The following CSMD1 variants were observed in gnomAD, a reference collection of about 807,000 sequenced individuals.
The protein encoded by CSMD1 is CUB and sushi domain-containing protein 1.
A neutral mutation model predicts 417.5 loss-of-function variants in CSMD1; 213 were observed. The observed-to-expected ratio is 0.51, with a 90% CI of 0.46 to 0.57. The LOEUF is 0.57. Ranked by LOEUF, CSMD1 falls within the 20% of genes least tolerant of loss-of-function variation. CSMD1 has a pLI of 0.00. For missense variants in CSMD1, 6,923 were observed against 4,529.7 expected (o/e 1.53, Z -15.17); for synonymous variants, 2,862 against 1,736.8 (o/e 1.65, Z -16.11).
chr8:4,941,919 G>A (rs28758980), intron 1 of CSMD1, among the ~76,000 whole-genome samples: 77,958 of 152,022 alleles, frequency 0.51, 21,259 homozygotes, highest in East Asian at 0.79. Context: ...ATTTGATGAT[G>A]CTAAATTTGC....
intron 6 of CSMD1, among the ~76,000 whole-genome samples, chr8:3,747,498 T>A (rs1045435356): frequency 1.5e-5 from 1 of 67,664 alleles, no homozygotes; most frequent in African/African-American, 4.7e-5. Context: ...CATACGTTTG[T>A]TTTTTTTCCT....
chr8:4,915,608 G>C (rs1330300637), intron 1 of CSMD1, among the ~76,000 whole-genome samples: 1 of 152,178 alleles, frequency 6.6e-6, no homozygotes, highest in South Asian at 2.1e-4. Context: ...TGTTGCATCC[G>C]ATTGAACTCT....
chr8:4,630,442 T>A (rs1802442728), intron 2 of CSMD1, among the ~76,000 whole-genome samples: 1 of 151,948 alleles, frequency 6.6e-6, no homozygotes. Context: ...TCTAGACAAC[T>A]GCAAATACTC....
At chr8:4,720,205 G>C (rs1184686941) in intron 1 of CSMD1, among the ~76,000 whole-genome samples, 1 of 150,506 alleles carries the variant, frequency 6.6e-6, no homozygotes, top group Non-Finnish European at 1.5e-5. Context: ...ATATACTTTT[G>C]TTCCTTGATG....
At chr8:3,060,821 T>C (rs922423162) in intron 49 of CSMD1, among the ~76,000 whole-genome samples, 16 of 152,156 alleles carry the variant, frequency 1.1e-4, no homozygotes, top group Non-Finnish European at 1.3e-4. Context: ...GGTGTCCCTA[T>C]AAAAGGGCTT....
chr8:4,376,735 C>A (rs1339268966), intron 3 of CSMD1, among the ~76,000 whole-genome samples: 3 of 152,196 alleles, frequency 2.0e-5, no homozygotes, highest in Non-Finnish European at 4.4e-5. Context: ...ACTTGCACTG[C>A]TTTATTCACC....
chr8:3,675,971 T>C (rs1041822262), intron 7 of CSMD1, among the ~76,000 whole-genome samples: 3 of 152,316 alleles, frequency 2.0e-5, no homozygotes, highest in East Asian at 1.9e-4. Context: ...AGGCCTGCCA[T>C]CTTCCCAGTC....
chr8:4,244,740 T>G (rs1443541633), intron 3 of CSMD1, among the ~76,000 whole-genome samples: 1 of 152,146 alleles, frequency 6.6e-6, no homozygotes, highest in Non-Finnish European at 1.5e-5. Flanking sequence ...AATAATTTTT[T>G]TACAGTGAAG....
intron 3 of CSMD1, among the ~76,000 whole-genome samples, chr8:4,160,279 A>T (rs746846930): frequency 2.6e-5 from 4 of 152,140 alleles, no homozygotes; most frequent in Non-Finnish European, 4.4e-5. Flanking sequence ...TGATTCTTGG[A>T]AAGTACTGAA....
intron 23 of CSMD1, among the ~76,000 whole-genome samples, chr8:3,335,888 C>A (rs1243406936): frequency 1.3e-5 from 2 of 152,270 alleles, no homozygotes; most frequent in Admixed American, 6.5e-5. Context: ...GTTCAAAGAG[C>A]AGAAGGTAGA....
intron 25 of CSMD1, among the ~76,000 whole-genome samples, chr8:3,291,264 A>T (rs1803535874): frequency 6.6e-6 from 1 of 152,160 alleles, no homozygotes; most frequent in African/African-American, 2.4e-5. Context: ...GATGTTCATA[A>T]GGGATATTGG....
chr8:3,453,694 T>G (rs1165809881), intron 12 of CSMD1, among the ~76,000 whole-genome samples: 3 of 152,234 alleles, frequency 2.0e-5, no homozygotes, highest in Non-Finnish European at 2.9e-5. Flanking sequence ...TTATAATTTC[T>G]GTACTTTTAC....
intron 5 of CSMD1, among the ~76,000 whole-genome samples, chr8:3,964,237 T>C (rs779877225): frequency 1.3e-5 from 2 of 152,248 alleles, no homozygotes; most frequent in African/African-American, 2.4e-5. Context: ...TACTAAATTA[T>C]ACTTTTTGTG....
chr8:3,704,391 G>T (rs1260977329), intron 7 of CSMD1, among the ~76,000 whole-genome samples: 1 of 152,090 alleles, frequency 6.6e-6, no homozygotes. Context: ...AGGGAGGAGG[G>T]GGCCTTCCTA....
intron 1 of CSMD1, among the ~76,000 whole-genome samples, chr8:4,931,790 G>A (rs1309346095): frequency 6.6e-6 from 1 of 152,202 alleles, no homozygotes; most frequent in Non-Finnish European, 1.5e-5. Context: ...GTGAGGCTCA[G>A]AAAGACATTT....
intron 3 of CSMD1, among the ~76,000 whole-genome samples, chr8:4,095,465 A>G (rs997581131): frequency 3.3e-5 from 5 of 152,172 alleles, no homozygotes; most frequent in African/African-American, 4.8e-5. Context: ...AGCATTTTGT[A>G]TTTTTGTGTT....
intron 5 of CSMD1, among the ~76,000 whole-genome samples, chr8:3,963,105 G>A (rs866123194): frequency 2.0e-5 from 3 of 151,954 alleles, no homozygotes; most frequent in Admixed American, 1.3e-4. Context: ...TAATTTTTGT[G>A]TTTTTTAGTA....
At chr8:3,380,497 C>T (rs898030254) in intron 18 of CSMD1, among the ~76,000 whole-genome samples, 22 of 152,124 alleles carry the variant, frequency 1.4e-4, no homozygotes, top group African/African-American at 4.8e-4. Flanking sequence ...CCCAAATGTC[C>T]ATCAATGATA....
rs545193626 is a variant in CSMD1, at chr8:4,193,581, A to G, written c.416-161482T>C. Among the ~76,000 whole-genome samples, 3 of 152,216 alleles carry G rather than the reference A, an allele frequency of 2.0e-5. No individual in the cohort carries two copies. The South Asian group carries it at 6.2e-4, about 32-fold the overall frequency. On this transcript the variant is annotated intron_variant, in intron 3 of 69. Transcript: ENST00000635120. ...CTGTGGGAAAACAAATGAAAGAGGC[A>G]GAGGATGAGGGTCCCACCGGGCCCT...
Sources: allele counts gnomAD v4.1 joint callset (sites outside exome capture counted in the v4.1 genomes callset), GRCh38; gene constraint gnomAD v4.1.1; transcripts MANE v1.5; gene names NCBI Gene and HGNC (gene_info 2026-07-23, HGNC 2026-07-21).